The following TMTC1 variants were observed in gnomAD, a reference collection of about 807,000 sequenced individuals.
TMTC1 encodes the protein transmembrane O-mannosyltransferase targeting cadherins 1.
Under a neutral mutation model 104.8 loss-of-function variants are expected in TMTC1, and 73 were observed. The ratio of observed to expected loss-of-function variants is 0.70; its 90% CI spans 0.58 to 0.85. TMTC1 has a LOEUF of 0.85. Among genes scored for constraint, TMTC1 ranks in the 40% least tolerant of loss-of-function variants. The pLI is 0.00. For synonymous variants in TMTC1, 434 were observed against 428.7 expected (o/e 1.01, Z -0.15); for missense variants, 1,035 against 1,096.1 (o/e 0.94, Z 0.79).
intron 5 of TMTC1, among the ~76,000 whole-genome samples, chr12:29,643,035 TG>T (rs1271660801): frequency 6.6e-6 from 1 of 151,260 alleles, no homozygotes; most frequent in East Asian, 1.9e-4. Flanking sequence ...CCAACAAACG[TG>T]AAAAAATGCT....
intron 5 of TMTC1, among the ~76,000 whole-genome samples, chr12:29,740,159 G>A (rs1473474711): frequency 1.3e-5 from 2 of 152,146 alleles, no homozygotes; most frequent in Non-Finnish European, 2.9e-5. Context: ...AACCACAGGT[G>A]TGCACCACCA....
Position 29,600,009 on chromosome 12 carries a change from T to TATATATA in TMTC1, c.1250+4168_1250+4169insTATATAT, listed in dbSNP as rs1555174500. ...GTGTATATACATATATATATATATA[T>TATATATA]TTTTTTTTTTTTTTCCCTCAAAAGA... On this transcript the variant is annotated intron_variant, in intron 7 of 17. Transcript: ENST00000539277. 5.7e-4 allele frequency among the ~76,000 whole-genome samples: 41 copies of TATATATA among 71,750 alleles called. 2 individuals carry two copies. Among genetic ancestry groups the TATATATA allele is most frequent in the East Asian group, 1.6e-3 (4 of 2,490 alleles). 47.1% of individuals were successfully genotyped at this position (71,750 alleles called of 152,430 possible). A position where few individuals can be genotyped will look rare whatever the true frequency, so the allele number is the denominator to read the frequency against.
chr12:29,617,904 A>G (rs1565713425), intron 6 of TMTC1, among the ~76,000 whole-genome samples: 1 of 152,206 alleles, frequency 6.6e-6, no homozygotes, highest in Non-Finnish European at 1.5e-5. Context: ...CCACCAGAAG[A>G]TTATAAATAC....
intron 6 of TMTC1, among the ~76,000 whole-genome samples, chr12:29,626,903 C>A (rs1039834751): frequency 1.3e-5 from 2 of 152,112 alleles, no homozygotes; most frequent in African/African-American, 4.8e-5. Flanking sequence ...GAGTTCGAGA[C>A]CAGCCTGGCC....
chr12:29,711,364 A>G (rs982842052), intron 5 of TMTC1, among the ~76,000 whole-genome samples: 1 of 152,190 alleles, frequency 6.6e-6, no homozygotes, highest in African/African-American at 2.4e-5. Context: ...ACTATAAGGG[A>G]TTATTAAAGT....
At chr12:29,654,856 G>A (rs1177239637) in intron 5 of TMTC1, among the ~76,000 whole-genome samples, 1 of 152,092 alleles carries the variant, frequency 6.6e-6, no homozygotes, top group Non-Finnish European at 1.5e-5. Context: ...GCCAGTCACA[G>A]AATACCACCT....
chr12:29,777,944 T>C (rs1234601174), intron 1 of TMTC1, among the ~76,000 whole-genome samples: 2 of 152,214 alleles, frequency 1.3e-5, no homozygotes, highest in Non-Finnish European at 2.9e-5. Flanking sequence ...TCACCGTTTC[T>C]TTAAGGTTGT....
At chr12:29,695,596 C>G (rs566424880) in intron 5 of TMTC1, among the ~76,000 whole-genome samples, 3 of 150,910 alleles carry the variant, frequency 2.0e-5, no homozygotes, top group Non-Finnish European at 3.0e-5. Context: ...TGAGCCACCG[C>G]GCCAGGCCAC....
intron 5 of TMTC1, among the ~76,000 whole-genome samples, chr12:29,642,879 C>T (rs1938921962): frequency 6.6e-6 from 1 of 151,474 alleles, no homozygotes; most frequent in Non-Finnish European, 1.5e-5. Context: ...GAGCCGAGAT[C>T]GCGCCACTGC....
intron 5 of TMTC1, among the ~76,000 whole-genome samples, chr12:29,645,359 T>A (rs77789152): frequency 0.041 from 6,291 of 152,268 alleles, 171 homozygotes; most frequent in Admixed American, 0.066. Context: ...AACATCCTCC[T>A]GAAGCTATGC....
chr12:29,571,585 C>A (rs200244848), intron 9 of TMTC1, among the ~76,000 whole-genome samples: 1 of 61,688 alleles, frequency 1.6e-5, no homozygotes, highest in Non-Finnish European at 3.3e-5. Flanking sequence ...CACACACATA[C>A]ACACACACAC....
intron 6 of TMTC1, among the ~76,000 whole-genome samples, chr12:29,618,169 A>T (rs1207081246): frequency 6.6e-6 from 1 of 152,186 alleles, no homozygotes; most frequent in Non-Finnish European, 1.5e-5. Flanking sequence ...AATTTGAGAC[A>T]GAGAAAGAGA....
intron 5 of TMTC1, chr12:29,666,384 AT>A (rs1376039384): frequency 4.9e-3 from 1,469 of 297,028 alleles, no homozygotes; most frequent in South Asian, 8.1e-3. Flanking sequence ...TGCCTGGCTA[AT>A]TTTTTTTTTG....
At chr12:29,602,781 T>C (rs778301984) in intron 7 of TMTC1, among the ~76,000 whole-genome samples, 3 of 152,220 alleles carry the variant, frequency 2.0e-5, no homozygotes, top group Non-Finnish European at 2.9e-5. Context: ...ATTTTGTTAA[T>C]TGGCAGTTAA....
At position 29,685,730 on chromosome 12, in the gene TMTC1, T is replaced by G. The variant is rs73271772; in HGVS notation, c.939-52394A>C. On this transcript the variant is annotated intron_variant, in intron 5 of 17. Transcript: ENST00000539277. ...AATTACTTACTGAAAATTGTTTTTA[T>G]GTAATTTGCTATTTATTCTGACAAA... 1.0e-2 allele frequency among the ~76,000 whole-genome samples: 1,517 copies of G among 152,254 alleles called. 32 individuals are homozygous for G. Among genetic ancestry groups the G allele is most frequent in the African/African-American group, 0.035 (1,441 of 41,544 alleles).
chr12:29,758,964 G>C (rs1029759908), intron 2 of TMTC1, among the ~76,000 whole-genome samples, 187 bp from the exon 3 acceptor site: 5 of 151,996 alleles, frequency 3.3e-5, no homozygotes, highest in Non-Finnish European at 7.3e-5. Flanking sequence ...ATTTAATAAC[G>C]AGTTTATGTA....
chr12:29,557,265 C>T (rs1281924173), intron 9 of TMTC1, among the ~76,000 whole-genome samples: 1 of 152,142 alleles, frequency 6.6e-6, no homozygotes, highest in East Asian at 1.9e-4. Context: ...GGGTTAAAGA[C>T]ATTTAATAAG....
rs996379413 is a variant in TMTC1 at position 29,642,015 on chromosome 12, G to A, written c.939-8679C>T. ...TTCAGAGCTCAAAGACAAGGTCTTC[G>A]AATTAATCCAATCCAACAAAGACAA... On this transcript the variant is annotated intron_variant, in intron 5 of 17. Coordinates refer to ENST00000539277, the MANE Select transcript of TMTC1 (RefSeq NM_001193451.2). Among the ~76,000 whole-genome samples, 7 of 152,004 alleles carry A rather than the reference G, an allele frequency of 4.6e-5. No homozygotes were observed. The East Asian group carries it at 7.7e-4, about 17-fold the overall frequency.
chr12:29,584,948 T>C (rs1275150999), intron 7 of TMTC1, among the ~76,000 whole-genome samples: 8 of 150,716 alleles, frequency 5.3e-5, no homozygotes, highest in African/African-American at 1.7e-4. Context: ...CCTTTGGGTA[T>C]ATACCCAGTA....
Sources: allele counts gnomAD v4.1 joint callset (sites outside exome capture counted in the v4.1 genomes callset), GRCh38; gene constraint gnomAD v4.1.1; transcripts MANE v1.5; gene names NCBI Gene and HGNC (gene_info 2026-07-23, HGNC 2026-07-21).